Variants in NPIPB2 observed in about 807,000 individuals in gnomAD.
NPIPB2 encodes nuclear pore complex interacting protein family member B2, also known as nuclear pore complex-interacting protein family member B2.
Under a neutral mutation model 30.8 loss-of-function variants are expected in NPIPB2, and 27 were observed. The observed-to-expected ratio is 0.88, with a 90% CI of 0.65 to 1.21. The LOEUF (loss-of-function observed/expected upper bound fraction) is 1.21. Among genes scored for constraint, NPIPB2 ranks in the 50% most tolerant of loss-of-function variants. The probability of loss-of-function intolerance (pLI) is 0.00; values close to 1 mark genes in which losing one functional copy is unlikely to be tolerated. For missense variants in NPIPB2, 440 were observed against 446.2 expected (o/e 0.99, Z 0.13); for synonymous variants, 147 against 162.0 (o/e 0.91, Z 0.70).
intron 1 of NPIPB2, chr16:11,967,676 T>C (rs779439057): frequency 6.2e-7 from 1 of 1,614,184 alleles, no homozygotes; most frequent in East Asian, 2.2e-5. Context: ...AATGCACCTG[T>C]GAAGACTGCA....
chr16:11,959,447 A>G (rs7191310), intron 1 of NPIPB2, among the ~76,000 whole-genome samples: 20,762 of 151,858 alleles, frequency 0.14, 2,267 homozygotes, highest in African/African-American at 0.28. Context: ...AAAAATTGCT[A>G]TGCATGGTGG....
At chr16:11,969,965 G>C (rs2055226025) in intron 1 of NPIPB2, among the ~76,000 whole-genome samples, 1 of 142,710 alleles carries the variant, frequency 7.0e-6, no homozygotes, top group Admixed American at 7.0e-5. Context: ...GTAGGTTCAA[G>C]AGTCTCCTAC....
At chr16:11,947,068 T>C (rs575985617) in intron 1 of NPIPB2, among the ~76,000 whole-genome samples, 7 of 123,048 alleles carry the variant, frequency 5.7e-5, no homozygotes, top group African/African-American at 1.8e-4. Flanking sequence ...ATGGTATATA[T>C]ATAAACATAT....
intron 1 of NPIPB2, among the ~76,000 whole-genome samples, chr16:11,960,309 C>A (rs1287458432): frequency 6.6e-6 from 1 of 151,262 alleles, no homozygotes; most frequent in Non-Finnish European, 1.5e-5. Context: ...AAAGAGTTAG[C>A]AAAGCTTTCT....
upstream of NPIPB2, among the ~76,000 whole-genome samples, chr16:11,946,597 T>C (rs925414975): frequency 4.0e-5 from 6 of 150,638 alleles, no homozygotes; most frequent in East Asian, 3.9e-4. Context: ...CATAATGAGA[T>C]ACTACTTCAT....
At chr16:11,965,665 A>AT (rs559314764) in intron 1 of NPIPB2, among the ~76,000 whole-genome samples, 218 of 152,264 alleles carry the variant, frequency 1.4e-3, no homozygotes, top group African/African-American at 4.6e-3. Context: ...AGCAACATAG[A>AT]TTTTTTTTAA....
At chr16:11,958,111 A>T (rs2055125502) in intron 1 of NPIPB2, among the ~76,000 whole-genome samples, 1 of 152,042 alleles carries the variant, frequency 6.6e-6, no homozygotes, top group African/African-American at 2.4e-5. Context: ...CTGACTACTT[A>T]ACTTGTGGGG....
intron 2 of NPIPB2, among the ~76,000 whole-genome samples, chr16:11,936,798 T>C (rs1228764646): frequency 7.0e-6 from 1 of 143,656 alleles, no homozygotes. Flanking sequence ...AGACACACTT[T>C]TCATTGATTC....
intron 1 of NPIPB2, among the ~76,000 whole-genome samples, chr16:11,958,425 T>TAA (rs35610717): frequency 3.6e-5 from 5 of 137,852 alleles, no homozygotes; most frequent in Non-Finnish European, 8.0e-5. Flanking sequence ...GAGACTCCGT[T>TAA]AAAAAAAAAA....
At chr16:11,967,655 C>G (rs146794298) in intron 1 of NPIPB2, 17 of 1,614,182 alleles carry the variant, frequency 1.1e-5, no homozygotes, top group Non-Finnish European at 1.4e-5. Flanking sequence ...GCCTCGAGTA[C>G]ACGGTGGAAG....
At chr16:11,958,079 GTCTTTATTGAGTCACTCA>G in intron 1 of NPIPB2, among the ~76,000 whole-genome samples, 1 of 152,074 alleles carries the variant, frequency 6.6e-6, no homozygotes, top group East Asian at 1.9e-4. Context: ...TTCTAACATT[GTCTTTATTGAGTCACTCA>G]GGACTGACTA....
intron 1 of NPIPB2, among the ~76,000 whole-genome samples, chr16:11,969,489 T>G: frequency 6.6e-6 from 1 of 152,114 alleles, no homozygotes. Flanking sequence ...ACTCCTGACC[T>G]CGTGATCCAC....
At chr16:11,964,466 C>T (rs1303613436) in intron 1 of NPIPB2, among the ~76,000 whole-genome samples, 7 of 151,442 alleles carry the variant, frequency 4.6e-5, no homozygotes, top group South Asian at 2.1e-4. Context: ...CAGGCTGGAG[C>T]GCAGTGGCCT....
chr16:11,967,991 A>G, intron 1 of NPIPB2: 1 of 901,418 alleles, frequency 1.1e-6, no homozygotes, highest in East Asian at 2.7e-5. Context: ...TATGTTAGAT[A>G]TATTTCTCTA....
upstream of NPIPB2, among the ~76,000 whole-genome samples, chr16:11,944,191 A>C (rs1193586157): frequency 7.1e-6 from 1 of 141,590 alleles, no homozygotes; most frequent in Admixed American, 7.2e-5. Flanking sequence ...TTTTTTGGAG[A>C]TGGAGTCTTG....
chr16:11,938,018 C>T (rs193269007), intron 1 of NPIPB2, among the ~76,000 whole-genome samples: 153 of 152,288 alleles, frequency 1.0e-3, no homozygotes, highest in African/African-American at 3.5e-3. Context: ...TAAAAAAAAC[C>T]TCTTTTTGTT....
At chr16:11,966,401 G>T (rs1478455243) in intron 1 of NPIPB2, 2 of 1,535,470 alleles carry the variant, frequency 1.3e-6, no homozygotes, top group Admixed American at 1.9e-5. Context: ...GTGAGTTTCA[G>T]TTCCTTTTCT....
intron 1 of NPIPB2, among the ~76,000 whole-genome samples, chr16:11,969,288 C>A (rs1031240764): frequency 1.3e-5 from 2 of 152,014 alleles, no homozygotes; most frequent in Admixed American, 1.3e-4. Context: ...GAGACAGTCT[C>A]GCTCTGTCGT....
chr16:11,943,475 A>T (rs1337038111), upstream of NPIPB2, among the ~76,000 whole-genome samples: 1 of 150,284 alleles, frequency 6.7e-6, no homozygotes, highest in Admixed American at 6.6e-5. Context: ...AGGCTGAGGC[A>T]GGCGGATCAC....
Sources: gnomAD v4.1 joint callset for allele counts (sites outside exome capture counted in the v4.1 genomes callset) on GRCh38, gnomAD v4.1.1 for gene constraint, MANE v1.5 for transcripts, NCBI Gene and HGNC (gene_info 2026-07-23, HGNC 2026-07-21) for gene names.